THNSL2: variants seen among roughly 807,000 people sequenced by gnomAD.
THNSL2 encodes threonine synthase-like 2.
THNSL2 carries 34 observed loss-of-function variants against 40.0 expected under a neutral mutation model. That is an observed-to-expected ratio of 0.85 (90% confidence interval 0.65 to 1.13). The LOEUF is 1.13. Among genes scored for constraint, THNSL2 ranks in the 50% most tolerant of loss-of-function variants. THNSL2 has a pLI of 0.00. For synonymous variants in THNSL2, 241 were observed against 247.5 expected (o/e 0.97, Z 0.25); for missense variants, 537 against 608.8 (o/e 0.88, Z 1.24).
chr2:88,170,895 C>T (rs983556750), intron 1 of THNSL2, among the ~76,000 whole-genome samples: 23 of 152,124 alleles, frequency 1.5e-4, no homozygotes, highest in African/African-American at 5.3e-4. Context: ...TCACAAAACC[C>T]CTCCACCTCC....
chr2:88,185,919 C>T lies in THNSL2; in HGVS notation c.1251C>T (p.Ala417=), dbSNP rs774794097. 1 of 1,609,176 alleles carries T rather than the reference C, an allele frequency of 6.2e-7. No individual in the cohort carries two copies. Among genetic ancestry groups the T allele is most frequent in the Non-Finnish European group, 8.5e-7 (1 of 1,178,302 alleles). Residue 417 remains alanine (A), a synonymous_variant, in exon 9 of 9, where the codon GCC becomes GCT. Transcript: ENST00000674334. ...QQPSTPRCCL[A]PASAAKFPEA... ...ACAGCACTCCCCGGTGCTGCCTCGC[C>T]CCTGCCTCTGCAGCCAAGTTCCCGG...
intron 4 of THNSL2, among the ~76,000 whole-genome samples, chr2:88,177,558 T>A (rs79740421): frequency 0.025 from 3,841 of 152,290 alleles, 154 homozygotes; most frequent in African/African-American, 0.088. Flanking sequence ...CCAGCTTCCG[T>A]AACTGGAAGG....
At position 88,173,233 on chromosome 2, in the gene THNSL2, G is replaced by C. The variant is rs779687764; in HGVS notation, c.83G>C (p.Gly28Ala). ...TTCTCTGGCTATGCACCTGACGGGG[G>C]CCTCTTTATGCCTGAAGAGCTCCCA... is the stretch of plus-strand genomic sequence containing the variant. ...ALFSGYAPDG[G>A]LFMPEELPQL... The change falls in exon 2 of 9, where the codon GGC (glycine) becomes GCC (alanine). Residue 28 changes from glycine to alanine, a missense_variant. By Grantham distance (60) the Gly-to-Ala change is moderately conservative. Transcript: ENST00000674334. The C allele has an allele frequency of 6.2e-7, 1 of 1,611,276 alleles. No homozygotes were observed. The highest frequency in any genetic ancestry group is 8.5e-7 in the Non-Finnish European group (1 of 1,179,402).
chr2:88,185,002 T>C (rs1421847051), intron 7 of THNSL2, among the ~76,000 whole-genome samples: 1 of 152,114 alleles, frequency 6.6e-6, no homozygotes, highest in Non-Finnish European at 1.5e-5. Context: ...GAAGGAGGTG[T>C]GCCAACAACC....
At position 88,186,116 on chromosome 2, in the gene THNSL2, C is replaced by T; in HGVS notation, c.1448C>T (p.Ser483Phe). 1 of 1,554,284 alleles carries T rather than the reference C, an allele frequency of 6.4e-7. No individual in the cohort carries two copies. The change falls in exon 9 of 9, where the codon TCC becomes TTC. Residue 483 changes from serine to phenylalanine, a missense_variant. By Grantham distance (155) the Ser-to-Phe change is radical. Transcript: ENST00000674334. ...TGGAGGAGTCATGCCCTCAACACCT[C>T]CCAGTAGCCTGGCTGGAGGTGGCTT... is the stretch of plus-strand genomic sequence containing the variant. ...RQWRSHALNT[S>F]Q
chr2:88,173,694 G>A (rs1676610136), intron 2 of THNSL2, among the ~76,000 whole-genome samples: 1 of 150,638 alleles, frequency 6.6e-6, no homozygotes, highest in Admixed American at 6.6e-5. Context: ...CTTGAATGTT[G>A]GGGTGTTTCC....
intron 1 of THNSL2, 78 bp from the exon 2 acceptor site, chr2:88,173,061 A>G: frequency 2.0e-6 from 2 of 981,088 alleles, no homozygotes. Flanking sequence ...TAACTGTGAG[A>G]CTGTGTGTGC....
intron 5 of THNSL2, 85 bp downstream of exon 5, chr2:88,179,098 TGAG>T: frequency 7.3e-7 from 1 of 1,360,786 alleles, no homozygotes; most frequent in South Asian, 1.2e-5. Flanking sequence ...GCTGCAACTG[TGAG>T]GAGAAGGAAG....
At chr2:88,170,612 GAGGA>G (rs1290988276) in intron 1 of THNSL2, among the ~76,000 whole-genome samples, 156 bp downstream of exon 1, 1 of 152,226 alleles carries the variant, frequency 6.6e-6, no homozygotes, top group Non-Finnish European at 1.5e-5. Flanking sequence ...GCTCGGACTT[GAGGA>G]ACTTGGGAGG....
rs369820777 is a variant in THNSL2, at chr2:88,173,215, G to A, written c.65G>A (p.Gly22Asp). 4 of 1,610,272 alleles carry A rather than the reference G, an allele frequency of 2.5e-6. No homozygotes were observed. Among genetic ancestry groups the A allele is most frequent in the Non-Finnish European group, 3.4e-6 (4 of 1,178,712 alleles). The change falls in exon 2 of 9, where the codon GGC (glycine) becomes GAC (aspartate). Residue 22 changes from glycine (G) to aspartate (D), a missense_variant. Gly to Asp is a moderately conservative substitution (Grantham distance 94). Coordinates refer to ENST00000674334, the MANE Select transcript of THNSL2 (RefSeq NM_018271.5). ...AACTTTGAGGGGGCCCTCTTCTCTG[G>A]CTATGCACCTGACGGGGGCCTCTTT... is the stretch of plus-strand genomic sequence containing the variant. ...RVNFEGALFSGYAPDGGLFMP... is the reference protein window; with the variant it reads ...RVNFEGALFSDYAPDGGLFMP...
intron 4 of THNSL2, 26 bp downstream of exon 4, chr2:88,175,427 G>C (rs1446398329): frequency 1.9e-6 from 3 of 1,613,028 alleles, no homozygotes; most frequent in African/African-American, 2.7e-5. Flanking sequence ...GAGGCTCTAG[G>C]GACAGTGCAG....
intron 1 of THNSL2, chr2:88,171,485 C>T: frequency 1.3e-5 from 5 of 370,720 alleles, no homozygotes; most frequent in Non-Finnish European, 1.6e-5. Flanking sequence ...ACCTTACTGC[C>T]TTGCTCGCTC....
intron 3 of THNSL2, 54 bp from the exon 4 acceptor site, chr2:88,175,195 C>T (rs1676783446): frequency 6.4e-7 from 1 of 1,569,044 alleles, no homozygotes; most frequent in Non-Finnish European, 8.7e-7. Flanking sequence ...CATTTCTTTC[C>T]TCGTTCATTC....
rs1441321880 is a variant in THNSL2 at position 88,174,636 on chromosome 2, C to T, written c.224-3C>T. The T allele has an allele frequency of 6.2e-7, 1 of 1,613,754 alleles. No homozygotes were observed. The highest frequency in any genetic ancestry group is 8.5e-7 in the Non-Finnish European group (1 of 1,179,812). On this transcript the variant is annotated splice_region_variant and splice_polypyrimidine_tract_variant and intron_variant, in intron 2 of 8. Coordinates refer to ENST00000674334, the MANE Select transcript of THNSL2 (RefSeq NM_018271.5). ...TTGGCTATCCACCCCACTACCCTCA[C>T]AGATCTGATCGACCGAGCCTTCAGC...
chr2:88,171,335 C>T (rs1676350899), intron 1 of THNSL2: 3 of 456,602 alleles, frequency 6.6e-6, no homozygotes, highest in African/African-American at 6.0e-5. Flanking sequence ...CAGCTCCTTC[C>T]ATGACCTGCT....
intron 1 of THNSL2, chr2:88,171,637 CTCTT>C (rs1203594589): frequency 3.6e-5 from 7 of 195,006 alleles, no homozygotes; most frequent in African/African-American, 1.6e-4. Flanking sequence ...AGAAATTCCT[CTCTT>C]TATTGAGGGC....
chr2:88,175,180 G>A (rs1676782023), intron 3 of THNSL2, 69 bp from the exon 4 acceptor site: 2 of 1,529,164 alleles, frequency 1.3e-6, no homozygotes, highest in African/African-American at 1.4e-5. Context: ...CAGTGCTTTG[G>A]GGACCATTTC....
chr2:88,172,087 G>T (rs530938406), intron 1 of THNSL2: 2 of 152,390 alleles, frequency 1.3e-5, no homozygotes, highest in South Asian at 4.1e-4. Context: ...TCCCACCCTG[G>T]CACAGAAAGT....
Position 88,186,380 on chromosome 2 carries a change from G to C in THNSL2, c.*257G>C. On this transcript the variant is annotated 3_prime_UTR_variant, in exon 9 of 9. Transcript: ENST00000674334. ...CCCGTGCAGCAGTGTCTGAGCTGTA[G>C]TGAAAGTTTCAGGGCCTGCAAAAGA... 1 of 514,258 alleles carries C rather than the reference G, an allele frequency of 1.9e-6. No homozygotes were observed. The highest frequency in any genetic ancestry group is 3.5e-6 in the Non-Finnish European group (1 of 282,952). 31.9% of individuals were successfully genotyped at this position (514,258 alleles called of 1,614,324 possible).
Sources: allele counts gnomAD v4.1 joint callset (sites outside exome capture counted in the v4.1 genomes callset), GRCh38; gene constraint gnomAD v4.1.1; transcripts MANE v1.5; gene names NCBI Gene and HGNC (gene_info 2026-07-23, HGNC 2026-07-21).